PPARGC1A: variants seen among roughly 807,000 people sequenced by gnomAD.
The protein encoded by PPARGC1A is PPARG coactivator 1 alpha.
A neutral mutation model predicts 88.7 loss-of-function variants in PPARGC1A; 25 were observed. That is an observed-to-expected ratio of 0.28 (90% CI 0.21 to 0.39). The LOEUF (loss-of-function observed/expected upper bound fraction) is 0.39, where lower values mean the gene tolerates loss of function less well. PPARGC1A is among the 10% of genes least tolerant of loss of function. The pLI, the probability that PPARGC1A is intolerant of heterozygous loss-of-function variation, is 1.00. For synonymous variants in PPARGC1A, 363 were observed against 355.6 expected, an observed-to-expected ratio of 1.02 and a Z score of -0.24; for missense variants, 880 against 968.7, an observed-to-expected ratio of 0.91 and a Z score of 1.22.
At chr4:24,161,639 G>A in the PPARGC1A span, among the ~76,000 whole-genome samples, 1 of 152,060 alleles carries the variant, frequency 6.6e-6, no homozygotes, top group African/African-American at 2.4e-5. Flanking sequence ...AGTATAAGAG[G>A]GTTTTCATTT....
the PPARGC1A span, among the ~76,000 whole-genome samples, chr4:24,317,586 A>AAAAAAAAAAAAAAAAAAAAAAAAAAC: frequency 7.1e-6 from 1 of 140,810 alleles, no homozygotes; most frequent in Non-Finnish European, 1.6e-5. Flanking sequence ...AAAAAAAAAA[A>AAAAAAAAAAAAAAAAAAAAAAAAAAC]AAAAAAAAAA....
the PPARGC1A span, among the ~76,000 whole-genome samples, chr4:24,354,475 T>A: frequency 6.6e-6 from 1 of 152,222 alleles, no homozygotes; most frequent in Non-Finnish European, 1.5e-5. Flanking sequence ...TGCTGGAACC[T>A]GGAAATCATG....
the PPARGC1A span, among the ~76,000 whole-genome samples, chr4:23,958,518 T>C: frequency 6.6e-6 from 1 of 152,164 alleles, no homozygotes; most frequent in Non-Finnish European, 1.5e-5. Context: ...TGTAAATACA[T>C]CTGTATTAAG....
chr4:24,367,828 G>GT, the PPARGC1A span, among the ~76,000 whole-genome samples: 8 of 152,136 alleles, frequency 5.3e-5, no homozygotes, highest in African/African-American at 1.9e-4. Flanking sequence ...GGTAGGTGGT[G>GT]TTTTGTAACA....
chr4:24,242,412 T>A, the PPARGC1A span, among the ~76,000 whole-genome samples: 89 of 152,314 alleles, frequency 5.8e-4, no homozygotes, highest in African/African-American at 2.0e-3. Context: ...GGCCTGCTTA[T>A]CTCTGTAGCT....
the PPARGC1A span, among the ~76,000 whole-genome samples, chr4:24,050,290 G>A: frequency 7.0e-6 from 1 of 142,898 alleles, no homozygotes; most frequent in Non-Finnish European, 1.5e-5. Context: ...CTGCCTCCCA[G>A]GTTCAAGTGA....
chr4:23,980,163 T>C, the PPARGC1A span, among the ~76,000 whole-genome samples: 1 of 117,622 alleles, frequency 8.5e-6, no homozygotes, highest in East Asian at 2.4e-4. Flanking sequence ...CTCCTGTGGC[T>C]AGAATCCAAA....
the PPARGC1A span, among the ~76,000 whole-genome samples, chr4:24,262,128 G>A: frequency 2.7e-5 from 4 of 147,282 alleles, no homozygotes; most frequent in East Asian, 6.1e-4. Context: ...CGCACCCCCC[G>A]CCCCATAACT....
At chr4:24,242,569 A>G in the PPARGC1A span, among the ~76,000 whole-genome samples, 1 of 152,186 alleles carries the variant, frequency 6.6e-6, no homozygotes, top group African/African-American at 2.4e-5. Flanking sequence ...CAGTGCTCAC[A>G]TGACATTTAT....
At chr4:23,802,414 T>C (rs895134094) in intron 10 of PPARGC1A, 69 bp from the exon 11 acceptor site, 17 of 1,591,622 alleles carry the variant, frequency 1.1e-5, no homozygotes, top group African/African-American at 2.7e-5. Context: ...GCACAGTGGC[T>C]CACACCTGTA....
the PPARGC1A span, among the ~76,000 whole-genome samples, chr4:23,941,328 G>A: frequency 1.3e-5 from 2 of 152,136 alleles, no homozygotes; most frequent in African/African-American, 2.4e-5. Context: ...AAAGCACTGA[G>A]ATTACAGATG....
the PPARGC1A span, among the ~76,000 whole-genome samples, chr4:24,178,582 G>A: frequency 3.9e-5 from 6 of 152,162 alleles, no homozygotes; most frequent in Admixed American, 1.3e-4. Flanking sequence ...GAAAAAATAA[G>A]TTGAATACTT....
chr4:24,409,891 T>C, the PPARGC1A span, among the ~76,000 whole-genome samples: 159 of 152,330 alleles, frequency 1.0e-3, no homozygotes, highest in African/African-American at 3.6e-3. Flanking sequence ...AACCTGCCCT[T>C]TGCTGTGGTC....
the PPARGC1A span, among the ~76,000 whole-genome samples, chr4:24,447,336 A>G: frequency 5.2e-4 from 79 of 152,180 alleles, no homozygotes; most frequent in African/African-American, 1.6e-3. Flanking sequence ...GGAAAAATGG[A>G]ACTAAGTCAA....
At chr4:23,919,707 G>A in the PPARGC1A span, among the ~76,000 whole-genome samples, 1 of 151,892 alleles carries the variant, frequency 6.6e-6, no homozygotes, top group Non-Finnish European at 1.5e-5. Context: ...AATAGGATTT[G>A]AGTGATGGCC....
At chr4:23,959,208 A>G in the PPARGC1A span, among the ~76,000 whole-genome samples, 1 of 152,054 alleles carries the variant, frequency 6.6e-6, no homozygotes, top group Non-Finnish European at 1.5e-5. Flanking sequence ...GGTGCTCCTC[A>G]ATGGAGTCAA....
the PPARGC1A span, among the ~76,000 whole-genome samples, chr4:23,984,340 T>C: frequency 6.6e-6 from 1 of 152,090 alleles, no homozygotes; most frequent in African/African-American, 2.4e-5. Context: ...TTGAAATTAT[T>C]CAATTAATGT....
upstream of PPARGC1A, among the ~76,000 whole-genome samples, chr4:23,908,761 C>T (rs1205280377): frequency 6.6e-6 from 1 of 152,194 alleles, no homozygotes; most frequent in Non-Finnish European, 1.5e-5. Flanking sequence ...AAATGCTCCA[C>T]TGGGGTCCAA....
chr4:23,844,522 C>T lies in PPARGC1A; in HGVS notation c.235-12771G>A, dbSNP rs1190519663. 2.3e-4 allele frequency among the ~76,000 whole-genome samples: 23 copies of T among 99,898 alleles called. No homozygotes were observed. In the South Asian group the frequency reaches 5.2e-3, roughly 23 times the overall value. The allele number at this position is 99,898 out of a possible 152,430, so 65.5% of individuals were successfully genotyped here. A position where few individuals can be genotyped will look rare whatever the true frequency, so the allele number is the denominator to read the frequency against. On this transcript the variant is annotated intron_variant, in intron 2 of 12. Coordinates refer to ENST00000264867, the MANE Select transcript of PPARGC1A (RefSeq NM_013261.5). ...ATATAATATAATAATATAATAATCA[C>T]ATAATATAATCATATAATATATTAT... is the stretch of plus-strand genomic sequence containing the variant.
Sources: allele counts gnomAD v4.1 joint callset (sites outside exome capture counted in the v4.1 genomes callset), GRCh38; gene constraint gnomAD v4.1.1; transcripts MANE v1.5; gene names NCBI Gene and HGNC (gene_info 2026-07-23, HGNC 2026-07-21).